FCRL5: variants seen among roughly 807,000 people sequenced by gnomAD.
The protein encoded by FCRL5 is Fc receptor-like protein 5.
FCRL5 carries 79 observed loss-of-function variants against 92.1 expected under a neutral mutation model. The ratio of observed to expected loss-of-function variants is 0.86; its 90% CI spans 0.72 to 1.03. The LOEUF (loss-of-function observed/expected upper bound fraction) is 1.03, where lower values mean the gene tolerates loss of function less well. Among genes scored for constraint, FCRL5 ranks in the 50% least tolerant of loss-of-function variants. The pLI is 0.00. For synonymous variants in FCRL5, 466 were observed against 469.3 expected (o/e 0.99, Z 0.09); for missense variants, 1,160 against 1,181.1 (o/e 0.98, Z 0.26).
At chr1:157,536,198 T>A (rs1650965033) in intron 7 of FCRL5, among the ~76,000 whole-genome samples, 1 of 152,074 alleles carries the variant, frequency 6.6e-6, no homozygotes, top group South Asian at 2.1e-4. Context: ...TGCCTCAGCC[T>A]CCCAAAGTGC....
intron 13 of FCRL5, 126 bp downstream of exon 13, chr1:157,519,617 A>C: frequency 1.1e-4 from 99 of 924,752 alleles, no homozygotes; most frequent in Middle Eastern, 2.8e-4. Flanking sequence ...TACAACAGGT[A>C]GTGGCCACAC....
At chr1:157,524,685 G>T in intron 9 of FCRL5, 128 bp from the exon 10 acceptor site, 3 of 1,065,186 alleles carry the variant, frequency 2.8e-6, no homozygotes, top group Non-Finnish European at 4.0e-6. Flanking sequence ...TCAAAACTCA[G>T]CAATATTTTC....
intron 8 of FCRL5, chr1:157,534,201 C>A: frequency 2.0e-6 from 1 of 492,260 alleles, no homozygotes; most frequent in East Asian, 4.4e-5. Flanking sequence ...GCAGCTTTCT[C>A]CAAATCTACC....
rs1357955871 is a variant in FCRL5 at position 157,521,133 on chromosome 1, G to A, written c.2399C>T (p.Ser800Phe). 6.2e-7 allele frequency: 1 copy of A among 1,614,144 alleles called. No individual in the cohort carries two copies. Among genetic ancestry groups the A allele is most frequent in the East Asian group, 2.2e-5 (1 of 44,864 alleles). Residue 800 changes from serine (S) to phenylalanine (F), a missense_variant, in exon 11 of 17, where the codon TCT becomes TTT. Ser to Phe is a radical substitution (Grantham distance 155, BLOSUM62 -2). Transcript: ENST00000361835. ...AGAGAGGTTTAAGGACGCTCCTCCA[G>A]AGGGGGACGACCTATTTCCTAGGGT... ...DVTLGNRSSP[S>F]GGASLNLSLT...
At chr1:157,525,225 G>T (rs1195536089) in intron 9 of FCRL5, among the ~76,000 whole-genome samples, 1 of 152,340 alleles carries the variant, frequency 6.6e-6, no homozygotes, top group East Asian at 1.9e-4. Flanking sequence ...AGGGTACTAT[G>T]AAATGTATGT....
Position 157,521,055 on chromosome 1 carries a change from C to T in FCRL5, c.2477G>A (p.Gly826Glu), listed in dbSNP as rs1650162262. Residue 826 changes from glycine (G) to glutamate (E), a missense_variant, in exon 11 of 17, where the codon GGG becomes GAG. Coordinates refer to ENST00000361835, the MANE Select transcript of FCRL5 (RefSeq NM_031281.3). The stretch of plus-strand genomic sequence containing the variant: ...TGTCACTGTCTCACTGCGCTGGGCC[C>T]CGAGGCCATTGTCGGCCTCACAGGA... ...NYSCEADNGL[G>E]AQRSETVTLY... 3 of 1,613,684 alleles carry T rather than the reference C, an allele frequency of 1.9e-6. No homozygotes were observed. The highest frequency in any genetic ancestry group is 1.3e-5 in the African/African-American group (1 of 74,924).
At chr1:157,531,623 G>C (rs1344600546) in intron 8 of FCRL5, among the ~76,000 whole-genome samples, 1 of 152,068 alleles carries the variant, frequency 6.6e-6, no homozygotes, top group Non-Finnish European at 1.5e-5. Context: ...ATGCACAATG[G>C]AATAGTATTC....
intron 8 of FCRL5, chr1:157,532,551 T>A (rs1650747430): frequency 6.6e-6 from 1 of 152,134 alleles, no homozygotes; most frequent in Non-Finnish European, 1.5e-5. Flanking sequence ...TTTGTTACAT[T>A]TTTTTTACAT....
At chr1:157,538,639 C>T (rs140194533) in intron 7 of FCRL5, among the ~76,000 whole-genome samples, 53 of 152,286 alleles carry the variant, frequency 3.5e-4, no homozygotes, top group African/African-American at 9.6e-4. Context: ...TGTGATCCAG[C>T]GACTTGTCTT....
chr1:157,527,974 C>T lies in FCRL5; in HGVS notation c.1682-79G>A, dbSNP rs563940412. 8.5e-6 allele frequency: 12 copies of T among 1,416,436 alleles called. No individual in the cohort carries two copies. The African/African-American group carries it at 1.1e-4, about 13-fold the overall frequency. The allele number at this position is 1,416,436 out of a possible 1,614,324, so 87.7% of individuals were successfully genotyped here. The stretch of plus-strand genomic sequence containing the variant: ...CTTTGTCCTAGCCAGAACAATCAGA[C>T]AAGAGAAAGAAATAAAGGACATCCA... On this transcript the variant is annotated intron_variant, in intron 8 of 16. Transcript: ENST00000361835.
rs1651721147 is a variant in FCRL5 at position 157,549,598 on chromosome 1, C to T, written c.32-18G>A. On this transcript the variant is annotated intron_variant, in intron 1 of 16. Coordinates refer to ENST00000361835, the MANE Select transcript of FCRL5 (RefSeq NM_031281.3). The stretch of plus-strand genomic sequence containing the variant: ...GACAGGAGCTGCAAAAAAATAAGAG[C>T]CAGAGATGAGCACAGAACCATGATT... 3.7e-6 allele frequency: 6 copies of T among 1,610,594 alleles called. No homozygotes were observed. Among genetic ancestry groups the T allele is most frequent in the Admixed American group, 1.7e-5 (1 of 59,588 alleles).
Position 157,549,465 on chromosome 1 carries a change from G to A in FCRL5, c.52+95C>T, listed in dbSNP as rs866968403. On this transcript the variant is annotated intron_variant, in intron 2 of 16. Transcript: ENST00000361835. ...AAAAGGAAAGAAAACAGGAGATATT[G>A]GAGATCTCAGGCAGCCATCACAAAT... 131 of 1,113,916 alleles carry A rather than the reference G, an allele frequency of 1.2e-4. 1 individual carries two copies. The highest frequency in any genetic ancestry group is 5.2e-4 in the Middle Eastern group (2 of 3,852). The allele number at this position is 1,113,916 out of a possible 1,614,324, so 69.0% of individuals were successfully genotyped here.
intron 1 of FCRL5, among the ~76,000 whole-genome samples, chr1:157,551,670 CAAAT>C (rs924193445): frequency 3.9e-5 from 6 of 152,174 alleles, no homozygotes; most frequent in Non-Finnish European, 7.4e-5. Flanking sequence ...ATTTGCTGAA[CAAAT>C]AAATAAACAT....
intron 1 of FCRL5, among the ~76,000 whole-genome samples, chr1:157,551,937 C>A (rs1333246854): frequency 6.6e-6 from 1 of 152,124 alleles, no homozygotes; most frequent in Non-Finnish European, 1.5e-5. Flanking sequence ...ATGCTGGGGA[C>A]CAGGATCTGG....
chr1:157,523,927 G>A (rs1650308740), intron 10 of FCRL5: 1 of 363,296 alleles, frequency 2.8e-6, no homozygotes, highest in Non-Finnish European at 4.9e-6. Context: ...ATCCGGACAA[G>A]AAACAGCTTA....
At chr1:157,551,478 C>T (rs1651808211) in intron 1 of FCRL5, among the ~76,000 whole-genome samples, 1 of 152,172 alleles carries the variant, frequency 6.6e-6, no homozygotes, top group Admixed American at 6.5e-5. Flanking sequence ...TATTATCTGC[C>T]TACAGCATTC....
chr1:157,530,930 C>A (rs1369015254), intron 8 of FCRL5, among the ~76,000 whole-genome samples: 1 of 151,964 alleles, frequency 6.6e-6, no homozygotes, highest in Non-Finnish European at 1.5e-5. Context: ...AAGACTGGAC[C>A]TTTTAAAATA....
chr1:157,525,752 G>A (rs1650399346), intron 9 of FCRL5, among the ~76,000 whole-genome samples: 1 of 152,190 alleles, frequency 6.6e-6, no homozygotes, highest in Non-Finnish European at 1.5e-5. Context: ...GGCTGTGAGG[G>A]GTGAGGAAGA....
intron 8 of FCRL5, chr1:157,534,125 G>T: frequency 3.1e-6 from 1 of 326,606 alleles, no homozygotes; most frequent in South Asian, 3.2e-5. Context: ...GAAAACAAGG[G>T]ATCATAAAAA....
Sources: gnomAD v4.1 joint callset for allele counts (sites outside exome capture counted in the v4.1 genomes callset) on GRCh38, gnomAD v4.1.1 for gene constraint, MANE v1.5 for transcripts, NCBI Gene and HGNC (gene_info 2026-07-23, HGNC 2026-07-21) for gene names.